The following PLEKHA2 variants were observed in gnomAD, a reference collection of about 807,000 sequenced individuals.
PLEKHA2 encodes pleckstrin homology domain containing A2.
Under a neutral mutation model 53.2 loss-of-function variants are expected in PLEKHA2, and 28 were observed. The ratio of observed to expected loss-of-function variants is 0.53; its 90% CI spans 0.39 to 0.72. The LOEUF is 0.72. Ranked by LOEUF, PLEKHA2 falls within the 30% of genes least tolerant of loss-of-function variation. The probability of loss-of-function intolerance (pLI) is 0.00; values close to 1 mark genes in which losing one functional copy is unlikely to be tolerated. For missense variants in PLEKHA2, 426 were observed against 537.9 expected (o/e 0.79, Z 2.06); for synonymous variants, 193 against 196.4 (o/e 0.98, Z 0.14).
At chr8:38,968,040 C>T (rs530381794) in intron 10 of PLEKHA2, among the ~76,000 whole-genome samples, 1 of 152,074 alleles carries the variant, frequency 6.6e-6, no homozygotes, top group Non-Finnish European at 1.5e-5. Flanking sequence ...CAAAGCGACC[C>T]AGTAGCTTGT....
intron 2 of PLEKHA2, among the ~76,000 whole-genome samples, chr8:38,930,137 T>C (rs1461226375): frequency 3.9e-5 from 6 of 152,052 alleles, no homozygotes; most frequent in Non-Finnish European, 2.9e-5. Flanking sequence ...GCAGAAGAGC[T>C]CTTGAGCAAA....
intron 1 of PLEKHA2, among the ~76,000 whole-genome samples, chr8:38,906,440 C>G (rs1251439931): frequency 6.6e-6 from 1 of 152,126 alleles, no homozygotes; most frequent in Non-Finnish European, 1.5e-5. Context: ...AAAATTCCTT[C>G]TTGAGTATCT....
intron 2 of PLEKHA2, among the ~76,000 whole-genome samples, chr8:38,934,528 CAG>C (rs1260661205): frequency 6.6e-6 from 1 of 151,940 alleles, no homozygotes. Context: ...GAGCTATGGA[CAG>C]AGTCTCAGAT....
At chr8:38,907,764 A>AAG (rs1833899151) in intron 1 of PLEKHA2, among the ~76,000 whole-genome samples, 1 of 151,458 alleles carries the variant, frequency 6.6e-6, no homozygotes, top group African/African-American at 2.4e-5. Flanking sequence ...ATATCTCAAA[A>AAG]AAAAAAAAAA....
At chr8:38,964,059 A>G (rs1588278968) in intron 10 of PLEKHA2, among the ~76,000 whole-genome samples, 1 of 152,328 alleles carries the variant, frequency 6.6e-6, no homozygotes, top group South Asian at 2.1e-4. Flanking sequence ...AATTTATATT[A>G]TTGGCCAGAA....
intron 1 of PLEKHA2, among the ~76,000 whole-genome samples, chr8:38,902,453 T>G (rs1019255172): frequency 2.0e-5 from 3 of 152,204 alleles, no homozygotes; most frequent in East Asian, 3.9e-4. Context: ...TTTCTTTCTT[T>G]AGGGCTCCAA....
chr8:38,928,849 A>C (rs1293122868), intron 2 of PLEKHA2, among the ~76,000 whole-genome samples: 3 of 152,184 alleles, frequency 2.0e-5, no homozygotes, highest in African/African-American at 7.2e-5. Context: ...AAGTGGACCT[A>C]CAGGGCAGAG....
At chr8:38,951,594 C>T (rs1399829727) in intron 6 of PLEKHA2, among the ~76,000 whole-genome samples, 1 of 150,780 alleles carries the variant, frequency 6.6e-6, no homozygotes, top group African/African-American at 2.4e-5. Context: ...CCTCCTGCCT[C>T]AGCCTTCCTA....
intron 2 of PLEKHA2, among the ~76,000 whole-genome samples, chr8:38,925,381 T>C (rs962450506): frequency 3.9e-5 from 6 of 152,210 alleles, no homozygotes; most frequent in Admixed American, 3.9e-4. Context: ...AAAGTCCACT[T>C]GGCTAAGTAA....
intron 2 of PLEKHA2, among the ~76,000 whole-genome samples, chr8:38,926,639 TTAAAAAC>T (rs1834294116): frequency 6.6e-6 from 1 of 152,170 alleles, no homozygotes; most frequent in African/African-American, 2.4e-5. Flanking sequence ...TTAAAAAAAA[TTAAAAAC>T]TAAGCCGGGT....
intron 10 of PLEKHA2, among the ~76,000 whole-genome samples, chr8:38,958,930 A>T (rs555937219): frequency 6.6e-6 from 1 of 152,130 alleles, no homozygotes; most frequent in East Asian, 1.9e-4. Context: ...GATGGAGCAC[A>T]GGGGAGTTTG....
intron 2 of PLEKHA2, among the ~76,000 whole-genome samples, chr8:38,923,977 A>G (rs1386212882): frequency 6.6e-6 from 1 of 151,994 alleles, no homozygotes; most frequent in African/African-American, 2.4e-5. Flanking sequence ...TCAGCCTCCC[A>G]AGTAGCTGGG....
chr8:38,962,423 G>A (rs921065412), intron 10 of PLEKHA2, among the ~76,000 whole-genome samples: 1 of 152,200 alleles, frequency 6.6e-6, no homozygotes, highest in African/African-American at 2.4e-5. Flanking sequence ...AACCAGGGAA[G>A]TCTGACTCTG....
At chr8:38,933,835 T>TGTGTAAATAGAA (rs1441944980) in intron 2 of PLEKHA2, among the ~76,000 whole-genome samples, 1 of 117,394 alleles carries the variant, frequency 8.5e-6, no homozygotes, top group Non-Finnish European at 1.9e-5. Context: ...TGAAAAAAAA[T>TGTGTAAATAGAA]GTGTAAATAG....
At chr8:38,953,106 C>T (rs770056612) in intron 8 of PLEKHA2, among the ~76,000 whole-genome samples, 191 bp from the exon 9 acceptor site, 2 of 152,240 alleles carry the variant, frequency 1.3e-5, no homozygotes, top group Non-Finnish European at 2.9e-5. Context: ...CTTCCAAAGT[C>T]CTGGTATTAC....
At chr8:38,968,884 G>T in intron 11 of PLEKHA2, 2 of 457,094 alleles carry the variant, frequency 4.4e-6, no homozygotes, top group East Asian at 3.7e-5. Context: ...GGGTTAGATA[G>T]AGAAATGGAA....
At chr8:38,951,737 C>T (rs1279671208) in intron 6 of PLEKHA2, among the ~76,000 whole-genome samples, 5 of 152,062 alleles carry the variant, frequency 3.3e-5, no homozygotes, top group South Asian at 2.1e-4. Flanking sequence ...GACAAGGTCT[C>T]GCTGTGTTGC....
In PLEKHA2 at chr8:38,969,555, G is replaced by T; in HGVS notation, c.1050G>T (p.Val350=). The part of the protein sequence containing the change: ...EKKALCKAPS[V]ASSWQPWTPV... ...AAGCCCTCTGCAAAGCCCCCTCTGT[G>T]GCCTCCTCCTGGCAGCCCTGGACAC... Residue 350 remains valine (V), a synonymous_variant, in exon 12 of 12, where the codon GTG becomes GTT. Transcript: ENST00000617275. The T allele has an allele frequency of 6.2e-7, 1 of 1,612,222 alleles. No individual in the cohort carries two copies. The highest frequency in any genetic ancestry group is 1.1e-5 in the South Asian group (1 of 90,732).
intron 1 of PLEKHA2, among the ~76,000 whole-genome samples, chr8:38,910,637 A>G (rs917071525): frequency 9.2e-5 from 14 of 152,244 alleles, no homozygotes; most frequent in Admixed American, 3.9e-4. Context: ...TTGTAAAAGG[A>G]CTCAAGAATT....
Sources: allele counts gnomAD v4.1 joint callset (sites outside exome capture counted in the v4.1 genomes callset), GRCh38; gene constraint gnomAD v4.1.1; transcripts MANE v1.5; gene names NCBI Gene and HGNC (gene_info 2026-07-23, HGNC 2026-07-21).